Variants in TENM2 observed in about 807,000 individuals in gnomAD.
TENM2 encodes the protein teneurin-2.
Under a neutral mutation model 245.2 loss-of-function variants are expected in TENM2, and 52 were observed. That is an observed-to-expected ratio of 0.21 (90% CI 0.17 to 0.27). The LOEUF is 0.27. Among genes scored for constraint, TENM2 ranks in the 10% least tolerant of loss-of-function variants. The pLI, the probability that TENM2 is intolerant of heterozygous loss-of-function variation, is 1.00. For synonymous variants in TENM2, 1,363 were observed against 1,438.9 expected, an observed-to-expected ratio of 0.95 and a Z score of 1.19; for missense variants, 3,046 against 3,666.8, an observed-to-expected ratio of 0.83 and a Z score of 4.37.
Position 168,235,605 on chromosome 5 carries a change from A to G in TENM2, c.5520+7475A>G, listed in dbSNP as rs1051225781. Among the ~76,000 whole-genome samples the G allele has an allele frequency of 3.3e-5, 5 of 152,224 alleles. No homozygotes were observed. The East Asian group carries it at 9.6e-4, about 29-fold the overall frequency. Reference sequence around the variant, plus strand: ...GTGGATGACCTGAGGTCAGAAGTTCAAGACTAGCCTAGCCAACATGGCGAA... The same window carrying G: ...GTGGATGACCTGAGGTCAGAAGTTCGAGACTAGCCTAGCCAACATGGCGAA... On this transcript the variant is annotated intron_variant, in intron 25 of 28. Transcript: ENST00000518659.
At chr5:167,826,575 T>G (rs1307101752) in intron 2 of TENM2, among the ~76,000 whole-genome samples, 3 of 152,238 alleles carry the variant, frequency 2.0e-5, no homozygotes, top group Non-Finnish European at 4.4e-5. Context: ...CAAAAACACT[T>G]TTTCTGACAC....
At chr5:168,203,951 G>A (rs1762143764) in intron 18 of TENM2, 119 bp downstream of exon 20, 1 of 727,288 alleles carries the variant, frequency 1.4e-6, no homozygotes, top group Non-Finnish European at 2.0e-6. Context: ...TTCATCAAGT[G>A]CCCAAAATAT....
At chr5:167,559,898 C>T (rs1224913999) in intron 2 of TENM2, among the ~76,000 whole-genome samples, 2 of 152,098 alleles carry the variant, frequency 1.3e-5, no homozygotes, top group South Asian at 4.2e-4. Flanking sequence ...TGTGGGTGGT[C>T]GACAAATGCA....
chr5:167,076,305 A>G, the TENM2 span, among the ~76,000 whole-genome samples: 2 of 152,244 alleles, frequency 1.3e-5, no homozygotes, highest in Admixed American at 6.5e-5. Flanking sequence ...CACTAAAAAT[A>G]TGATTTTTGT....
intron 19 of TENM2, 33 bp downstream of exon 21, chr5:168,204,654 C>G: frequency 1.9e-6 from 3 of 1,606,174 alleles, no homozygotes; most frequent in Non-Finnish European, 2.6e-6. Flanking sequence ...TTCTTTTGCT[C>G]TCTTGCCCCC....
At chr5:168,126,694 G>A in intron 11 of TENM2, 60 bp from the exon 14 acceptor site, 3 of 1,436,484 alleles carry the variant, frequency 2.1e-6, no homozygotes, top group Non-Finnish European at 2.9e-6. Context: ...GCGTGGTCTG[G>A]ACTCCATGGA....
At chr5:167,176,725 A>G in the TENM2 span, among the ~76,000 whole-genome samples, 1 of 152,174 alleles carries the variant, frequency 6.6e-6, no homozygotes, top group African/African-American at 2.4e-5. Context: ...CTTGCTCATA[A>G]TTGTATCTTC....
chr5:167,278,704 C>T, the TENM2 span, among the ~76,000 whole-genome samples: 9 of 152,248 alleles, frequency 5.9e-5, no homozygotes, highest in African/African-American at 2.2e-4. Context: ...CCTTCCTTTA[C>T]ATTCTCTGAC....
intron 1 of TENM2, among the ~76,000 whole-genome samples, chr5:167,364,641 A>G (rs1759930798): frequency 6.6e-6 from 1 of 152,064 alleles, no homozygotes; most frequent in Admixed American, 6.5e-5. Context: ...TGCTTACAAT[A>G]AAAATAAGAA....
intron 2 of TENM2, among the ~76,000 whole-genome samples, chr5:167,604,613 CTCTG>C (rs1296323348): frequency 1.3e-5 from 2 of 152,148 alleles, no homozygotes; most frequent in Admixed American, 1.3e-4. Context: ...CTACTATTTT[CTCTG>C]TCTGAGAAAG....
At chr5:167,140,309 T>C in the TENM2 span, among the ~76,000 whole-genome samples, 1 of 152,178 alleles carries the variant, frequency 6.6e-6, no homozygotes, top group African/African-American at 2.4e-5. Context: ...AAGAAGCCAA[T>C]TGCATTCTTT....
chr5:167,395,411 G>T (rs1453302124), intron 2 of TENM2, among the ~76,000 whole-genome samples: 2 of 152,040 alleles, frequency 1.3e-5, no homozygotes, highest in Non-Finnish European at 2.9e-5. Flanking sequence ...TTTGTCTTTA[G>T]GGTTTTCTGC....
At chr5:168,237,001 T>TATATATATATA (rs2088803018) in intron 25 of TENM2, among the ~76,000 whole-genome samples, 2 of 4,306 alleles carry the variant, frequency 4.6e-4, no homozygotes, top group Non-Finnish European at 8.3e-4. Flanking sequence ...TATATATATA[T>TATATATATATA]TTTTTTTTTT....
At chr5:168,017,645 T>C (rs1459379500) in intron 5 of TENM2, among the ~76,000 whole-genome samples, 1 of 152,182 alleles carries the variant, frequency 6.6e-6, no homozygotes, top group African/African-American at 2.4e-5. Flanking sequence ...GGCTGCCCCG[T>C]TGGGATGCTC....
intron 1 of TENM2, among the ~76,000 whole-genome samples, chr5:167,300,393 A>G (rs767668476): frequency 4.3e-4 from 65 of 152,136 alleles, no homozygotes; most frequent in Admixed American, 8.5e-4. Flanking sequence ...GAACAGAATA[A>G]TGCGTTGTAG....
intron 2 of TENM2, among the ~76,000 whole-genome samples, chr5:167,544,086 G>T (rs1452012676): frequency 6.6e-6 from 1 of 152,170 alleles, no homozygotes; most frequent in African/African-American, 2.4e-5. Context: ...TGAGTCATAT[G>T]GCTGACTGTA....
chr5:168,232,840 T>C (rs1765061664), intron 25 of TENM2, among the ~76,000 whole-genome samples: 1 of 152,182 alleles, frequency 6.6e-6, no homozygotes, highest in South Asian at 2.1e-4. Context: ...GGCGGATGGA[T>C]AGACCGGGAC....
chr5:167,717,922 T>C (rs1241160588), intron 2 of TENM2, among the ~76,000 whole-genome samples: 1 of 152,230 alleles, frequency 6.6e-6, no homozygotes, highest in Non-Finnish European at 1.5e-5. Flanking sequence ...TCGAAGTTGG[T>C]AGTTCTACCT....
At chr5:167,763,191 G>T (rs773626664) in intron 2 of TENM2, among the ~76,000 whole-genome samples, 1 of 152,220 alleles carries the variant, frequency 6.6e-6, no homozygotes, top group Non-Finnish European at 1.5e-5. Context: ...GTCAAAGCAA[G>T]TGAATGCTTT....
Sources: gnomAD v4.1 joint callset for allele counts (sites outside exome capture counted in the v4.1 genomes callset) on GRCh38, gnomAD v4.1.1 for gene constraint, MANE v1.5 for transcripts, NCBI Gene and HGNC (gene_info 2026-07-23, HGNC 2026-07-21) for gene names.